DMD: variants seen among roughly 807,000 people sequenced by gnomAD.
The protein encoded by DMD is dystrophin.
Under a neutral mutation model 330.1 loss-of-function variants are expected in DMD, and 63 were observed. That is an observed-to-expected ratio of 0.19 (90% confidence interval 0.16 to 0.24). DMD has a LOEUF of 0.24. DMD is among the 10% of genes least tolerant of loss of function. The probability of loss-of-function intolerance (pLI) is 1.00; values close to 1 mark genes in which losing one functional copy is unlikely to be tolerated. For synonymous variants in DMD, 1,223 were observed against 959.8 expected, an observed-to-expected ratio of 1.27 and a Z score of -5.07; for missense variants, 3,344 against 2,684.1, an observed-to-expected ratio of 1.25 and a Z score of -5.43.
chrX:33,024,581 AT>A (rs903791095), intron 1 of DMD, among the ~76,000 whole-genome samples: 11 of 112,225 alleles, frequency 9.8e-5, no homozygotes, highest in Admixed American at 2.8e-4. Context: ...TAATAAAGTT[AT>A]TTTTATTCAG....
chrX:32,559,640 A>T (rs1055342921), intron 16 of DMD, among the ~76,000 whole-genome samples: 1 of 111,990 alleles, frequency 8.9e-6, no homozygotes, highest in African/African-American at 3.2e-5. Context: ...GGGTTAAAAT[A>T]GAGGATCTTT....
intron 62 of DMD, among the ~76,000 whole-genome samples, chrX:31,312,541 C>G (rs1439248257): frequency 8.9e-6 from 1 of 112,514 alleles, no homozygotes; most frequent in African/African-American, 3.2e-5. Flanking sequence ...TTGTGGAAAA[C>G]AGTATGGCAA....
intron 1 of DMD, among the ~76,000 whole-genome samples, chrX:33,026,959 C>G (rs1269356849): frequency 8.9e-6 from 1 of 111,848 alleles, no homozygotes; most frequent in Non-Finnish European, 1.9e-5. Flanking sequence ...TTTAAGTTAA[C>G]GAAGACCAGA....
In DMD at chrX:31,612,980, G is replaced by A. The variant is rs762305692; in HGVS notation, c.8217+14693C>T. Among the ~76,000 whole-genome samples, 12 of 111,856 alleles carry A rather than the reference G, an allele frequency of 1.1e-4. No homozygotes were observed. In the East Asian group the frequency reaches 2.0e-3, roughly 18 times the overall value. On this transcript the variant is annotated intron_variant, in intron 55 of 78. Transcript: ENST00000357033. ...AGAGGCAAGGCCTGGTAATGCTTTC[G>A]AGAAGAGGTAGGGCTTTGGCCAAGA...
At chrX:31,772,568 T>G (rs1213647796) in intron 51 of DMD, among the ~76,000 whole-genome samples, 1 of 111,712 alleles carries the variant, frequency 9.0e-6, no homozygotes, top group Non-Finnish European at 1.9e-5. Context: ...AATCACTAAA[T>G]AGTAACTGCA....
At chrX:32,147,933 A>G (rs1471061880) in intron 44 of DMD, among the ~76,000 whole-genome samples, 2 of 99,061 alleles carry the variant, frequency 2.0e-5, no homozygotes, top group African/African-American at 3.8e-5. Flanking sequence ...GCTGGAGTGC[A>G]GTGGCGCGAT....
At chrX:32,136,452 T>C (rs185072060) in intron 44 of DMD, among the ~76,000 whole-genome samples, 1 of 112,591 alleles carries the variant, frequency 8.9e-6, no homozygotes, top group East Asian at 2.8e-4. Context: ...TATGTTCCTT[T>C]ATGAAAAACA....
intron 3 of DMD, among the ~76,000 whole-genome samples, chrX:32,845,232 G>T (rs746778264): frequency 8.9e-6 from 1 of 111,770 alleles, no homozygotes; most frequent in Non-Finnish European, 1.9e-5. Flanking sequence ...AAAATCTAAA[G>T]GAGATTTGAC....
intron 34 of DMD, among the ~76,000 whole-genome samples, chrX:32,379,530 C>G (rs1030901098): frequency 9.0e-6 from 1 of 111,522 alleles, no homozygotes; most frequent in Non-Finnish European, 1.9e-5. Context: ...AATTCAATAT[C>G]TTATCTAACA....
At chrX:31,831,242 A>G (rs1267134977) in intron 49 of DMD, among the ~76,000 whole-genome samples, 1 of 112,315 alleles carries the variant, frequency 8.9e-6, no homozygotes, top group Non-Finnish European at 1.9e-5. Context: ...TATTACAAAT[A>G]ACTTAGCAAG....
intron 1 of DMD, among the ~76,000 whole-genome samples, chrX:33,249,455 G>A (rs2052732631): frequency 2.7e-5 from 3 of 111,510 alleles, no homozygotes; most frequent in Non-Finnish European, 5.7e-5. Context: ...CTGGCCAATT[G>A]CTCTCATTTA....
intron 9 of DMD, 146 bp downstream of exon 9, chrX:32,697,724 G>A (rs916033955): frequency 2.2e-5 from 16 of 733,135 alleles, no homozygotes; most frequent in African/African-American, 4.3e-5. Context: ...AGAATCACAT[G>A]AGGGAATCAA....
chrX:32,460,128 C>G (rs1484320812), intron 25 of DMD, among the ~76,000 whole-genome samples: 1 of 110,535 alleles, frequency 9.0e-6, no homozygotes, highest in Non-Finnish European at 1.9e-5. Flanking sequence ...AAAAAAAATT[C>G]CACATCGGTA....
intron 53 of DMD, among the ~76,000 whole-genome samples, chrX:31,664,739 C>T (rs2081334648): frequency 9.7e-6 from 1 of 103,305 alleles, no homozygotes; most frequent in Non-Finnish European, 2.0e-5. Flanking sequence ...ACGTCCCTAT[C>T]ATCTCTTGCT....
At chrX:33,319,433 TG>T (rs1231170851) in intron 1 of DMD, among the ~76,000 whole-genome samples, 1 of 110,895 alleles carries the variant, frequency 9.0e-6, no homozygotes, top group Non-Finnish European at 1.9e-5. Context: ...TAAACTGAAT[TG>T]AGTTGAGTGC....
At chrX:32,679,683 A>G (rs1215284162) in intron 9 of DMD, among the ~76,000 whole-genome samples, 4 of 110,218 alleles carry the variant, frequency 3.6e-5, no homozygotes, top group Non-Finnish European at 3.8e-5. Flanking sequence ...TGGAAATACT[A>G]TTTTGTTTAC....
Position 32,323,267 on chromosome X carries a change from T to A in DMD, c.5923-12991A>T, listed in dbSNP as rs776205639. Among the ~76,000 whole-genome samples the A allele has an allele frequency of 4.5e-5, 5 of 111,628 alleles. No individual in the cohort carries two copies. In the East Asian group the frequency reaches 1.4e-3, roughly 31 times the overall value. On this transcript the variant is annotated intron_variant, in intron 41 of 78. Coordinates refer to ENST00000357033, the MANE Select transcript of DMD (RefSeq NM_004006.3). ...ACTATGCCATTTTATATAAATAATT[T>A]GAGTATTCTTGAATTTTGATATCAA...
intron 2 of DMD, among the ~76,000 whole-genome samples, chrX:32,856,106 G>A (rs1275217099): frequency 4.5e-5 from 5 of 112,202 alleles, no homozygotes; most frequent in African/African-American, 9.7e-5. Flanking sequence ...AAACTACAAT[G>A]AGGTATCATC....
Position 31,496,871 on chromosome X carries a change from G to A in DMD, c.8464C>T (p.Gln2822Ter), listed in dbSNP as rs398124073. 1 of 1,210,017 alleles carries A rather than the reference G, an allele frequency of 8.3e-7. No homozygotes were observed. Among genetic ancestry groups the A allele is most frequent in the South Asian group, 1.8e-5 (1 of 56,739 alleles). ...CGGCTTAATTCATCATCTTTCAGCT[G>A]TAGCCACACCAGAAGTTCCTGCAGA... ...LSLQELLVWL[Q>*]LKDDELSRQA... The change falls in exon 57 of 79, where the codon CAG (glutamine) becomes TAG (stop). Residue 2822 changes from glutamine to a stop codon, truncating the protein, a stop_gained. Coordinates refer to ENST00000357033, the MANE Select transcript of DMD (RefSeq NM_004006.3). LOFTEE classifies it high-confidence loss of function.
Sources: allele counts gnomAD v4.1 joint callset (sites outside exome capture counted in the v4.1 genomes callset), GRCh38; gene constraint gnomAD v4.1.1; transcripts MANE v1.5; gene names NCBI Gene and HGNC (gene_info 2026-07-23, HGNC 2026-07-21).